The following ZFHX3 variants were observed in gnomAD, a reference collection of about 807,000 sequenced individuals.
ZFHX3 encodes zinc finger homeobox 3.
ZFHX3 carries 42 observed loss-of-function variants against 279.1 expected under a neutral mutation model. That is an observed-to-expected ratio of 0.15 (90% CI 0.12 to 0.19). The LOEUF (loss-of-function observed/expected upper bound fraction) is 0.19, where lower values mean the gene tolerates loss of function less well. Among genes scored for constraint, ZFHX3 ranks in the 10% least tolerant of loss-of-function variants. ZFHX3 has a pLI of 1.00. For missense variants in ZFHX3, 4,981 were observed against 4,754.0 expected (o/e 1.05, Z -1.40); for synonymous variants, 2,293 against 1,957.8 (o/e 1.17, Z -4.52).
At chr16:73,666,513 G>A (rs1476638793) in intron 2 of ZFHX3, among the ~76,000 whole-genome samples, 1 of 151,866 alleles carries the variant, frequency 6.6e-6, no homozygotes, top group African/African-American at 2.4e-5. Context: ...GACAGAAAAT[G>A]CTCCCATATG....
chr16:73,101,102 G>C (rs1433872837), intron 7 of ZFHX3, among the ~76,000 whole-genome samples: 1 of 151,708 alleles, frequency 6.6e-6, no homozygotes, highest in Non-Finnish European at 1.5e-5. Context: ...TCTGAGTCCC[G>C]CTTGCCTTCT....
chr16:73,806,552 G>A (rs1960280713), intron 1 of ZFHX3, among the ~76,000 whole-genome samples: 1 of 152,094 alleles, frequency 6.6e-6, no homozygotes. Flanking sequence ...CAAGCTTAGG[G>A]GCAGGGTGGG....
rs10709712 is a variant in ZFHX3, at chr16:73,010,024, GAAAA to G, written c.-50+37724_-50+37727del. ...TTACAGAGCGAGACTCCCTCTCAAA[GAAAA>G]AAAAAAAAAAAAAAACTCATAAAGG... On this transcript the variant is annotated intron_variant, in intron 1 of 9. Coordinates refer to ENST00000268489, the MANE Select transcript of ZFHX3 (RefSeq NM_006885.4). Among the ~76,000 whole-genome samples, 4 of 84,652 alleles carry G rather than the reference GAAAA, an allele frequency of 4.7e-5. No homozygotes were observed. The East Asian group carries it at 1.1e-3, about 24-fold the overall frequency. The allele number at this position is 84,652 out of a possible 152,430, so 55.5% of individuals were successfully genotyped here. A position where few individuals can be genotyped will look rare whatever the true frequency, so the allele number is the denominator to read the frequency against.
intron 3 of ZFHX3, among the ~76,000 whole-genome samples, chr16:73,427,582 G>T (rs558821344): frequency 8.5e-5 from 13 of 152,274 alleles, no homozygotes; most frequent in African/African-American, 2.9e-4. Flanking sequence ...CCTGTGCCCT[G>T]CACGTTGGTG....
At chr16:72,864,113 A>G (rs1161657920) in intron 4 of ZFHX3, among the ~76,000 whole-genome samples, 1 of 152,070 alleles carries the variant, frequency 6.6e-6, no homozygotes, top group Admixed American at 6.5e-5. Flanking sequence ...GCAAGACTCC[A>G]TCTCGAAAAA....
intron 6 of ZFHX3, among the ~76,000 whole-genome samples, chr16:73,138,292 C>T (rs1966827613): frequency 6.6e-6 from 1 of 152,130 alleles, no homozygotes; most frequent in Non-Finnish European, 1.5e-5. Flanking sequence ...GGCCCCAGTG[C>T]CTACTTTTAC....
At chr16:72,819,234 C>A (rs575162140) in intron 5 of ZFHX3, among the ~76,000 whole-genome samples, 1 of 151,510 alleles carries the variant, frequency 6.6e-6, no homozygotes, top group Non-Finnish European at 1.5e-5. Flanking sequence ...CCCTCTCCCC[C>A]ACCCCCAATC....
At chr16:73,632,902 C>T (rs1052878996) in intron 2 of ZFHX3, among the ~76,000 whole-genome samples, 2 of 152,064 alleles carry the variant, frequency 1.3e-5, no homozygotes, top group African/African-American at 4.8e-5. Flanking sequence ...CAGTGAAACC[C>T]TGTCTTTACT....
intron 1 of ZFHX3, among the ~76,000 whole-genome samples, chr16:72,983,865 A>G (rs542565893): frequency 1.2e-4 from 19 of 152,302 alleles, no homozygotes; most frequent in African/African-American, 4.6e-4. Flanking sequence ...GGTACAGGGT[A>G]AGGCCCTGCT....
At chr16:73,699,442 C>T (rs377713758) in intron 1 of ZFHX3, among the ~76,000 whole-genome samples, 37 of 152,202 alleles carry the variant, frequency 2.4e-4, no homozygotes, top group African/African-American at 6.7e-4. Context: ...GTGTGTGTTT[C>T]TCTATTGTTT....
At chr16:73,497,009 G>T (rs2019153346) in intron 2 of ZFHX3, among the ~76,000 whole-genome samples, 1 of 152,190 alleles carries the variant, frequency 6.6e-6, no homozygotes, top group Non-Finnish European at 1.5e-5. Flanking sequence ...GGCTGAGGGT[G>T]GTCACAGCTT....
intron 3 of ZFHX3, among the ~76,000 whole-genome samples, chr16:73,329,279 C>A (rs1053177037): frequency 6.6e-6 from 1 of 152,116 alleles, no homozygotes; most frequent in Non-Finnish European, 1.5e-5. Flanking sequence ...GTGGGGAGCA[C>A]GGGGGAGGGA....
At chr16:73,716,078 G>C (rs1369969097) in intron 1 of ZFHX3, among the ~76,000 whole-genome samples, 4 of 152,004 alleles carry the variant, frequency 2.6e-5, no homozygotes, top group African/African-American at 9.7e-5. Flanking sequence ...TGTGTTTCAT[G>C]GCAGTAATTA....
chr16:73,255,136 A>G (rs1395002130), intron 5 of ZFHX3, among the ~76,000 whole-genome samples: 2 of 152,234 alleles, frequency 1.3e-5, no homozygotes, highest in Non-Finnish European at 2.9e-5. Context: ...TTGTTTCCAC[A>G]TTGGCAGTAA....
At chr16:73,133,718 G>A (rs1231556446) in intron 6 of ZFHX3, among the ~76,000 whole-genome samples, 1 of 152,108 alleles carries the variant, frequency 6.6e-6, no homozygotes, top group African/African-American at 2.4e-5. Flanking sequence ...CCTAATTTGT[G>A]GTACTTTCTT....
chr16:73,069,626 C>T (rs1965798976), intron 8 of ZFHX3, among the ~76,000 whole-genome samples: 2 of 152,226 alleles, frequency 1.3e-5, no homozygotes, highest in South Asian at 4.2e-4. Flanking sequence ...GGTGAATTGT[C>T]TCATTATATT....
chr16:73,620,183 G>C (rs537620125), intron 2 of ZFHX3, among the ~76,000 whole-genome samples: 87 of 152,246 alleles, frequency 5.7e-4, no homozygotes, highest in African/African-American at 2.0e-3. Context: ...TGATGGGTGG[G>C]GGCACCCAGC....
chr16:73,007,376 T>C (rs1045987814), intron 1 of ZFHX3, among the ~76,000 whole-genome samples: 1 of 152,252 alleles, frequency 6.6e-6, no homozygotes, highest in South Asian at 2.1e-4. Context: ...CAGGCAATTA[T>C]AGCATCCCTC....
In ZFHX3 at chr16:73,260,411, T is replaced by G. The variant is rs2013786419; in HGVS notation, c.-1193-3275A>C. On this transcript the variant is annotated intron_variant, in intron 4 of 17. Transcript: ENST00000641206. ...GCATGGACTCATGGATTTAATGAGT[T>G]ATACTGTGCTACTATCGATGTTTAT... Among the ~76,000 whole-genome samples, 3 of 152,288 alleles carry G rather than the reference T, an allele frequency of 2.0e-5. No individual in the cohort carries two copies. The South Asian group carries it at 6.2e-4, about 32-fold the overall frequency.
Sources: allele counts gnomAD v4.1 joint callset (sites outside exome capture counted in the v4.1 genomes callset), GRCh38; gene constraint gnomAD v4.1.1; transcripts MANE v1.5; gene names NCBI Gene and HGNC (gene_info 2026-07-23, HGNC 2026-07-21).